The following SYNE1 variants were observed in gnomAD, a reference collection of about 807,000 sequenced individuals.
SYNE1 encodes spectrin repeat containing nuclear envelope protein 1.
A neutral mutation model predicts 1,111.0 loss-of-function variants in SYNE1; 616 were observed. The observed-to-expected ratio is 0.55, with a 90% CI of 0.52 to 0.59. The LOEUF (loss-of-function observed/expected upper bound fraction) is 0.59, where lower values mean the gene tolerates loss of function less well. Among genes scored for constraint, SYNE1 ranks in the 20% least tolerant of loss-of-function variants. SYNE1 has a pLI of 0.00. For synonymous variants in SYNE1, 3,855 were observed against 3,825.8 expected (o/e 1.01, Z -0.28); for missense variants, 10,006 against 10,417.0 (o/e 0.96, Z 1.72).
intron 56 of SYNE1, among the ~76,000 whole-genome samples, chr6:152,380,794 C>T (rs763673745): frequency 3.3e-5 from 5 of 151,998 alleles, no homozygotes; most frequent in South Asian, 2.1e-4. Flanking sequence ...TGTTTCCTAC[C>T]GCAAATAATA....
intron 3 of SYNE1, among the ~76,000 whole-genome samples, chr6:152,572,641 T>C (rs897988688): frequency 6.6e-6 from 1 of 152,204 alleles, no homozygotes. Context: ...TCCTCTGCAG[T>C]TGGAAAGATT....
Position 152,563,578 on chromosome 6 carries a change from A to AT in SYNE1, c.68-23558dup, listed in dbSNP as rs142600523. Among the ~76,000 whole-genome samples, 812 of 152,344 alleles carry AT rather than the reference A, an allele frequency of 5.3e-3. 3 individuals carry two copies. Among genetic ancestry groups the AT allele is most frequent in the African/African-American group, 0.019 (791 of 41,582 alleles). On this transcript the variant is annotated intron_variant, in intron 3 of 145. Transcript: ENST00000367255. The stretch of plus-strand genomic sequence containing the variant: ...TCATCACATTGCACACCTTGAAAAG[A>AT]TATATTGACATGATTTTTATGTCAT...
intron 69 of SYNE1, 55 bp downstream of exon 69, chr6:152,353,207 TG>T: frequency 6.3e-7 from 1 of 1,599,246 alleles, no homozygotes; most frequent in Non-Finnish European, 8.6e-7. Context: ...TGCAGGAGAA[TG>T]GGGCAGCTTG....
At chr6:152,348,547 T>G (rs904079496) in intron 72 of SYNE1, among the ~76,000 whole-genome samples, 2 of 152,076 alleles carry the variant, frequency 1.3e-5, no homozygotes, top group Admixed American at 1.3e-4. Flanking sequence ...TAGTCGGGCA[T>G]GGTGGAGGGC....
chr6:152,293,548 A>T, intron 95 of SYNE1, 40 bp downstream of exon 95: 1 of 1,612,240 alleles, frequency 6.2e-7, no homozygotes, highest in South Asian at 1.1e-5. Context: ...ACAGTGCCTT[A>T]TTCAATCAAG....
chr6:152,628,613 G>C (rs1283199698), intron 2 of SYNE1, 59 bp from the exon 3 acceptor site: 2 of 419,892 alleles, frequency 4.8e-6, no homozygotes, highest in Admixed American at 3.9e-5. Flanking sequence ...GGTCACCACA[G>C]TGCTAAAAGG....
At chr6:152,179,673 CTTTTTT>C (rs796260764) in intron 129 of SYNE1, among the ~76,000 whole-genome samples, 14 of 55,100 alleles carry the variant, frequency 2.5e-4, no homozygotes, top group African/African-American at 9.4e-4. Context: ...GCTGGATATC[CTTTTTT>C]TTTTTTTTTT....
At chr6:152,136,299 C>A (rs1043419994) in intron 141 of SYNE1, among the ~76,000 whole-genome samples, 1 of 152,188 alleles carries the variant, frequency 6.6e-6, no homozygotes, top group African/African-American at 2.4e-5. Flanking sequence ...GGTCTGCCTA[C>A]TTGCCCAGTA....
chr6:152,579,800 C>A (rs1054591522), intron 3 of SYNE1, among the ~76,000 whole-genome samples: 1 of 152,110 alleles, frequency 6.6e-6, no homozygotes. Context: ...TGTGTTAATT[C>A]GCTTAGGGTA....
intron 10 of SYNE1, among the ~76,000 whole-genome samples, chr6:152,500,117 T>G (rs2099021273): frequency 1.3e-5 from 2 of 152,256 alleles, no homozygotes; most frequent in African/African-American, 4.8e-5. Context: ...GACACCAAAT[T>G]AGATATAAAT....
In SYNE1 at chr6:152,345,136, C is replaced by CAAACTTTAAT. The variant is rs1322996483; in HGVS notation, c.12079-919_12079-910dup. Among the ~76,000 whole-genome samples, 8 of 152,256 alleles carry CAAACTTTAAT rather than the reference C, an allele frequency of 5.3e-5. No homozygotes were observed. The East Asian group carries it at 1.5e-3, about 29-fold the overall frequency. Reference sequence around the variant, plus strand: ...TGTTTTGTTCTCTTTATCACTTTTGCAAACTTTAATTATGAAGTTCTGATT... The same window carrying CAAACTTTAAT: ...TGTTTTGTTCTCTTTATCACTTTTGCAAACTTTAATAAACTTTAATTATGAAGTTCTGATT... On this transcript the variant is annotated intron_variant, in intron 73 of 145. Transcript: ENST00000367255.
rs1157664680 is a variant in SYNE1, at chr6:152,331,586, T to C, written c.13099A>G (p.Ile4367Val). The change falls in exon 78 of 146, where the codon ATC (isoleucine) becomes GTC (valine). Residue 4367 changes from isoleucine (I) to valine (V), a missense_variant. Coordinates refer to ENST00000367255, the MANE Select transcript of SYNE1 (RefSeq NM_182961.4). ...MEWAEEQQPN[I>V]AEALKQSPPP... ...GGGCTCTGCTTAAGGGCCTCGGCGA[T>C]GTTGGGTTGTTGCTCTTCTGCCCAC... 17 of 1,614,070 alleles carry C rather than the reference T, an allele frequency of 1.1e-5. No homozygotes were observed. Among genetic ancestry groups the C allele is most frequent in the Non-Finnish European group, 1.4e-5 (16 of 1,180,034 alleles).
intron 128 of SYNE1, among the ~76,000 whole-genome samples, chr6:152,181,836 T>C (rs965195424): frequency 4.6e-5 from 7 of 152,226 alleles, no homozygotes; most frequent in African/African-American, 1.7e-4. Context: ...AATGTCTTGG[T>C]CATATGGTAA....
intron 95 of SYNE1, among the ~76,000 whole-genome samples, chr6:152,293,172 G>A (rs1237236804): frequency 1.3e-5 from 2 of 152,148 alleles, no homozygotes; most frequent in Non-Finnish European, 2.9e-5. Context: ...TAATGGAGGG[G>A]CACCCCCTGG....
intron 22 of SYNE1, among the ~76,000 whole-genome samples, chr6:152,456,462 G>A (rs1310189293): frequency 1.3e-5 from 2 of 150,976 alleles, no homozygotes; most frequent in South Asian, 4.2e-4. Flanking sequence ...GAGCATCAAT[G>A]CACATTCACT....
chr6:152,563,980 C>G lies in SYNE1; in HGVS notation c.68-23959G>C, dbSNP rs144794567. Among the ~76,000 whole-genome samples, 495 of 152,232 alleles carry G rather than the reference C, an allele frequency of 3.3e-3. 2 individuals carry two copies. The highest frequency in any genetic ancestry group is 0.011 in the African/African-American group (474 of 41,552). On this transcript the variant is annotated intron_variant, in intron 3 of 145. Transcript: ENST00000367255. ...TGCAAACAATATTGGAGAGGTTTGACATTACTTAAGCACATAAAATATCAG... is the reference window on the plus strand; with the variant it reads ...TGCAAACAATATTGGAGAGGTTTGAGATTACTTAAGCACATAAAATATCAG...
intron 12 of SYNE1, among the ~76,000 whole-genome samples, chr6:152,486,079 C>G (rs958609299): frequency 1.3e-5 from 2 of 152,012 alleles, no homozygotes; most frequent in Non-Finnish European, 2.9e-5. Context: ...CCTGTAGTCC[C>G]AGCTACTCAG....
At chr6:152,325,416 T>A in intron 80 of SYNE1, 114 bp from the exon 81 acceptor site, 1 of 967,638 alleles carries the variant, frequency 1.0e-6, no homozygotes, top group Non-Finnish European at 1.6e-6. Context: ...GAAATGTTTC[T>A]ACATACGTTT....
intron 20 of SYNE1, 148 bp downstream of exon 20, chr6:152,462,590 T>G: frequency 1.2e-6 from 1 of 810,044 alleles, no homozygotes; most frequent in Non-Finnish European, 2.0e-6. Flanking sequence ...ATACATTTTT[T>G]TCTGACAGGT....
Sources: gnomAD v4.1 joint callset for allele counts (sites outside exome capture counted in the v4.1 genomes callset) on GRCh38, gnomAD v4.1.1 for gene constraint, MANE v1.5 for transcripts, NCBI Gene and HGNC (gene_info 2026-07-23, HGNC 2026-07-21) for gene names.